Variants in MPPED1 observed in about 807,000 individuals in gnomAD.
The protein encoded by MPPED1 is metallophosphoesterase domain-containing protein 1.
In MPPED1, 16 loss-of-function variants were observed where a neutral mutation model predicts 36.2. The ratio of observed to expected loss-of-function variants is 0.44; its 90% CI spans 0.30 to 0.67. The LOEUF (loss-of-function observed/expected upper bound fraction) is 0.67, where lower values mean the gene tolerates loss of function less well. MPPED1 is among the 30% of genes least tolerant of loss of function. The pLI is 0.10. For missense variants in MPPED1, 307 were observed against 453.4 expected, an observed-to-expected ratio of 0.68 and a Z score of 2.93; for synonymous variants, 199 against 191.3, an observed-to-expected ratio of 1.04 and a Z score of -0.33.
intron 3 of MPPED1, among the ~76,000 whole-genome samples, chr22:43,436,525 T>G (rs1401900446): frequency 6.6e-6 from 1 of 152,272 alleles, no homozygotes; most frequent in Non-Finnish European, 1.5e-5. Flanking sequence ...GAAATTCTAA[T>G]CAAAGGCCCT....
intron 6 of MPPED1, 27 bp from the exon 7 acceptor site, chr22:43,505,471 C>T: frequency 2.5e-6 from 4 of 1,579,812 alleles, no homozygotes; most frequent in Non-Finnish European, 3.4e-6. Flanking sequence ...TGGCTGCTGG[C>T]CTGATGGGCA....
rs142777213 is a variant in MPPED1 at position 43,424,883 on chromosome 22, G to T, written c.-78-25G>T. On this transcript the variant is annotated intron_variant, in intron 1 of 6. Coordinates refer to ENST00000443721, the MANE Select transcript of MPPED1 (RefSeq NM_001044370.2). The stretch of plus-strand genomic sequence containing the variant: ...GCAAATCCCAAACAGATTAACTGTC[G>T]CACGGTTCTGCTCCGTCTCCTCAGT... The T allele has an allele frequency of 5.0e-3, 7,515 of 1,497,570 alleles. 55 individuals are homozygous for T. Among genetic ancestry groups the T allele is most frequent in the Non-Finnish European group, 5.3e-3 (6,004 of 1,122,846 alleles). The allele number at this position is 1,497,570 out of a possible 1,614,324, so 92.8% of individuals were successfully genotyped here.
intron 3 of MPPED1, among the ~76,000 whole-genome samples, chr22:43,473,314 G>T (rs1931438962): frequency 6.6e-6 from 1 of 152,182 alleles, no homozygotes; most frequent in Non-Finnish European, 1.5e-5. Flanking sequence ...ACCTTGCCCT[G>T]TGTGTGCTTT....
intron 3 of MPPED1, among the ~76,000 whole-genome samples, chr22:43,462,842 C>T (rs1368291626): frequency 2.0e-5 from 3 of 152,162 alleles, no homozygotes; most frequent in African/African-American, 7.2e-5. Flanking sequence ...TTTCTTCTGT[C>T]TTGTAACCCC....
intron 3 of MPPED1, among the ~76,000 whole-genome samples, chr22:43,465,006 C>A (rs6003213): frequency 0.29 from 43,388 of 152,132 alleles, 7,588 homozygotes; most frequent in East Asian, 0.54. Flanking sequence ...GGGCACCCCA[C>A]CCCGGTACCA....
chr22:43,422,066 G>A (rs1026420666), intron 1 of MPPED1, among the ~76,000 whole-genome samples: 1 of 152,142 alleles, frequency 6.6e-6, no homozygotes, highest in Non-Finnish European at 1.5e-5. Context: ...GGGGACATCC[G>A]GGCTCTTCCT....
chr22:43,498,426 G>T, intron 5 of MPPED1, 76 bp downstream of exon 5: 1 of 1,228,590 alleles, frequency 8.1e-7, no homozygotes, highest in Non-Finnish European at 1.1e-6. Flanking sequence ...GGGGCTGGCT[G>T]GGCCTGTATA....
rs200057030 is a variant in MPPED1, at chr22:43,435,142, C to T, written c.333C>T (p.Asp111=). Residue 111 remains aspartate (D), a synonymous_variant, in exon 3 of 7, where the codon GAC becomes GAT. Transcript: ENST00000443721. ...ACCCCATCCAGATGCCGTACGGCGACGTGCTGATCCACGCTGGGGACTTCA... is the reference window on the plus strand; with the variant it reads ...ACCCCATCCAGATGCCGTACGGCGATGTGCTGATCCACGCTGGGGACTTCA... The part of the protein sequence containing the change: ...RTDPIQMPYG[D]VLIHAGDFTE... The T allele has an allele frequency of 4.5e-5, 72 of 1,613,676 alleles. No individual in the cohort carries two copies. The highest frequency in any genetic ancestry group is 5.8e-5 in the Non-Finnish European group (69 of 1,179,894).
At chr22:43,495,489 A>T (rs376001405) in intron 4 of MPPED1, among the ~76,000 whole-genome samples, 1,017 of 10,086 alleles carry the variant, frequency 0.1, 47 homozygotes, top group Middle Eastern at 0.25. Context: ...GTGGTGGTGG[A>T]GGTAGTGGTG....
chr22:43,413,103 C>T (rs2146805897), intron 1 of MPPED1, among the ~76,000 whole-genome samples: 1 of 152,362 alleles, frequency 6.6e-6, no homozygotes. Flanking sequence ...TTCCCCAGTG[C>T]TGGGCTGGCC....
intron 5 of MPPED1, among the ~76,000 whole-genome samples, chr22:43,500,220 A>G (rs879295836): frequency 0.13 from 2,163 of 16,678 alleles, 40 homozygotes; most frequent in Non-Finnish European, 0.2. Flanking sequence ...GGTGGGGGTG[A>G]TGGTGGAGGT....
intron 2 of MPPED1, among the ~76,000 whole-genome samples, chr22:43,427,804 C>T (rs925071911): frequency 2.6e-5 from 4 of 152,036 alleles, no homozygotes; most frequent in African/African-American, 7.2e-5. Flanking sequence ...TTCCCCTTGC[C>T]GTGCCGCCCT....
intron 1 of MPPED1, among the ~76,000 whole-genome samples, 196 bp downstream of exon 1, chr22:43,412,354 G>A (rs1294258691): frequency 6.6e-6 from 1 of 151,962 alleles, no homozygotes; most frequent in Non-Finnish European, 1.5e-5. Context: ...AGCGGGCGGC[G>A]GCGGGAGGGG....
intron 4 of MPPED1, among the ~76,000 whole-genome samples, chr22:43,495,995 G>A (rs1403015483): frequency 2.2e-5 from 3 of 137,594 alleles, no homozygotes; most frequent in Non-Finnish European, 4.8e-5. Context: ...GATGGTGGTG[G>A]TGGTGGAGAT....
At chr22:43,426,540 C>T (rs1929480710) in intron 2 of MPPED1, among the ~76,000 whole-genome samples, 1 of 152,194 alleles carries the variant, frequency 6.6e-6, no homozygotes, top group Admixed American at 6.5e-5. Context: ...GTGCTTGTGG[C>T]ATCCCAGCCG....
At chr22:43,449,115 T>C (rs974846689) in intron 3 of MPPED1, among the ~76,000 whole-genome samples, 1 of 152,184 alleles carries the variant, frequency 6.6e-6, no homozygotes, top group African/African-American at 2.4e-5. Flanking sequence ...ACAGGGATTT[T>C]TACATCCTAC....
chr22:43,417,102 A>G, intron 1 of MPPED1: 4 of 729,196 alleles, frequency 5.5e-6, no homozygotes, highest in Non-Finnish European at 6.7e-6. Flanking sequence ...GGTGGTGAGG[A>G]ATTAGAAAGT....
intron 4 of MPPED1, among the ~76,000 whole-genome samples, chr22:43,496,462 G>C (rs1456120840): frequency 3.6e-4 from 10 of 28,154 alleles, no homozygotes; most frequent in Admixed American, 8.0e-4. Context: ...TGGTGGTGGA[G>C]ATGGTGGTGG....
intron 4 of MPPED1, 52 bp from the exon 5 acceptor site, chr22:43,498,183 C>G: frequency 2.8e-6 from 4 of 1,425,444 alleles, no homozygotes; most frequent in Non-Finnish European, 3.8e-6. Flanking sequence ...TTCCCTCTGA[C>G]CACCCTGTAC....
Sources: gnomAD v4.1 joint callset for allele counts (sites outside exome capture counted in the v4.1 genomes callset) on GRCh38, gnomAD v4.1.1 for gene constraint, MANE v1.5 for transcripts, NCBI Gene and HGNC (gene_info 2026-07-23, HGNC 2026-07-21) for gene names.